TENM1: variants seen among roughly 807,000 people sequenced by gnomAD.
TENM1 encodes teneurin-1.
Under a neutral mutation model 174.8 loss-of-function variants are expected in TENM1, and 35 were observed. The observed-to-expected ratio is 0.20, with a 90% CI of 0.15 to 0.27. The LOEUF is 0.27. Among genes scored for constraint, TENM1 ranks in the 10% least tolerant of loss-of-function variants. The pLI, the probability that TENM1 is intolerant of heterozygous loss-of-function variation, is 1.00. For synonymous variants in TENM1, 781 were observed against 798.7 expected (o/e 0.98, Z 0.37); for missense variants, 1,633 against 2,130.1 (o/e 0.77, Z 4.59).
intron 3 of TENM1, among the ~76,000 whole-genome samples, chrX:124,845,357 G>A (rs1002263000): frequency 3.6e-5 from 4 of 111,017 alleles, no homozygotes; most frequent in African/African-American, 6.6e-5. Context: ...TCTTCAGTGG[G>A]CCCTAGATTT....
At chrX:124,806,828 TG>T (rs756296268) in intron 3 of TENM1, among the ~76,000 whole-genome samples, 7 of 111,224 alleles carry the variant, frequency 6.3e-5, no homozygotes, top group African/African-American at 2.0e-4. Flanking sequence ...GGGTATTATG[TG>T]GTGAGAGCAG....
intron 6 of TENM1, among the ~76,000 whole-genome samples, chrX:124,655,585 T>C (rs2051421425): frequency 8.9e-6 from 1 of 112,306 alleles, no homozygotes; most frequent in Non-Finnish European, 1.9e-5. Flanking sequence ...AACAGCCCAT[T>C]AAGAAACACA....
At chrX:124,848,431 GAA>G (rs756135579) in intron 3 of TENM1, among the ~76,000 whole-genome samples, 1 of 110,949 alleles carries the variant, frequency 9.0e-6, no homozygotes, top group Non-Finnish European at 1.9e-5. Flanking sequence ...GCTGATTTTG[GAA>G]AAGACCTTAA....
chrX:124,664,532 GAAAAAA>G (rs779501054), intron 6 of TENM1, among the ~76,000 whole-genome samples: 6 of 29,276 alleles, frequency 2.0e-4, no homozygotes, highest in African/African-American at 3.6e-4. Context: ...TAAAGCAAAA[GAAAAAA>G]AAAAAAAAAA....
intron 3 of TENM1, among the ~76,000 whole-genome samples, chrX:124,811,040 T>C (rs1158891146): frequency 9.0e-6 from 1 of 110,884 alleles, no homozygotes; most frequent in African/African-American, 3.3e-5. Flanking sequence ...TATAGGGAAA[T>C]AAATTCAAAG....
intron 22 of TENM1, among the ~76,000 whole-genome samples, chrX:124,458,507 T>C (rs1326453829): frequency 8.9e-6 from 1 of 112,386 alleles, no homozygotes; most frequent in Non-Finnish European, 1.9e-5. Context: ...TAGTGAATAG[T>C]GAGTTATTTA....
the TENM1 span, among the ~76,000 whole-genome samples, chrX:125,091,322 T>C: frequency 1.8e-5 from 2 of 111,602 alleles, no homozygotes; most frequent in African/African-American, 6.5e-5. Context: ...TTGGAGAACC[T>C]AATCATCTAA....
intron 14 of TENM1, among the ~76,000 whole-genome samples, chrX:124,553,796 A>G (rs1395297560): frequency 2.7e-5 from 3 of 111,560 alleles, no homozygotes; most frequent in Non-Finnish European, 5.6e-5. Flanking sequence ...TGACTAGAAC[A>G]GTACCTGGCT....
At chrX:124,490,439 C>T (rs1314903583) in intron 20 of TENM1, among the ~76,000 whole-genome samples, 1 of 112,137 alleles carries the variant, frequency 8.9e-6, no homozygotes, top group Non-Finnish European at 1.9e-5. Flanking sequence ...GAGAGCTCTA[C>T]AAGTTCTCCT....
At chrX:125,160,017 T>C in the TENM1 span, among the ~76,000 whole-genome samples, 1 of 109,186 alleles carries the variant, frequency 9.2e-6, no homozygotes, top group Non-Finnish European at 1.9e-5. Context: ...CTGGTCAATA[T>C]TGTGAAACCC....
At chrX:124,862,912 G>C (rs755354998) in intron 3 of TENM1, among the ~76,000 whole-genome samples, 3 of 107,432 alleles carry the variant, frequency 2.8e-5, no homozygotes, top group Non-Finnish European at 3.8e-5. Context: ...AGAGGCCTTT[G>C]TCTTGCATCT....
rs374386547 is a variant in TENM1, at chrX:124,737,030, G to A, written c.703C>T (p.Pro235Ser). The A allele has an allele frequency of 9.4e-5, 114 of 1,209,694 alleles. No individual in the cohort carries two copies. In the Admixed American group the frequency reaches 2.4e-3, roughly 26 times the overall value. The change falls in exon 4 of 32, where the codon CCA becomes TCA. Residue 235 changes from proline (P) to serine (S), a missense_variant. Physicochemically the swap from Pro to Ser is moderately conservative, Grantham distance 74. This residue lies in a region of TENM1 where 305 missense variants were observed against 309.2 expected (regional missense o/e 0.99). Transcript: ENST00000422452. ...TGGACTGAATCCTGCGTGCTGGTTG[G>A]GGGAGCTGGAGCAGCTGGGCTGGGC...
chrX:124,514,756 G>A (rs945975757), intron 18 of TENM1, among the ~76,000 whole-genome samples: 1 of 110,665 alleles, frequency 9.0e-6, no homozygotes, highest in African/African-American at 3.3e-5. Flanking sequence ...GATTCACAGC[G>A]AAATTCTAGC....
intron 15 of TENM1, among the ~76,000 whole-genome samples, chrX:124,535,589 C>T (rs1236511590): frequency 9.0e-6 from 1 of 111,625 alleles, no homozygotes; most frequent in Non-Finnish European, 1.9e-5. Context: ...GTCCATTTCT[C>T]CTCCATCCTC....
chrX:124,724,440 G>A (rs2053397386), intron 4 of TENM1, among the ~76,000 whole-genome samples: 2 of 111,949 alleles, frequency 1.8e-5, no homozygotes, highest in African/African-American at 6.5e-5. Flanking sequence ...ATAGATAAGG[G>A]GTTTCTACAT....
chrX:125,014,426 A>C, the TENM1 span, among the ~76,000 whole-genome samples: 1 of 112,819 alleles, frequency 8.9e-6, no homozygotes, highest in Non-Finnish European at 1.9e-5. Context: ...ATTGGAAGTT[A>C]ATAGATTCTT....
the TENM1 span, among the ~76,000 whole-genome samples, chrX:125,150,842 T>G: frequency 2.7e-5 from 3 of 112,342 alleles, no homozygotes; most frequent in African/African-American, 9.7e-5. Flanking sequence ...AGGATAAAAC[T>G]TCTGTGTGAT....
chrX:124,645,455 T>C (rs990195104), intron 9 of TENM1, 118 bp from the exon 13 acceptor site: 14 of 626,221 alleles, frequency 2.2e-5, no homozygotes, highest in Non-Finnish European at 3.1e-5. Flanking sequence ...TGTCTTACCC[T>C]TTATTAAATA....
chrX:125,028,892 T>G, the TENM1 span, among the ~76,000 whole-genome samples: 1 of 111,446 alleles, frequency 9.0e-6, no homozygotes, highest in African/African-American at 3.3e-5. Context: ...GAAAATAGAT[T>G]TAAAGAAAAG....
Sources: allele counts gnomAD v4.1 joint callset (sites outside exome capture counted in the v4.1 genomes callset), GRCh38; gene constraint gnomAD v4.1.1; regional missense constraint gnomAD v4.1.1; transcripts MANE v1.5; gene names NCBI Gene and HGNC (gene_info 2026-07-23, HGNC 2026-07-21).